The following HEATR5B variants were observed in gnomAD, a reference collection of about 807,000 sequenced individuals.
The protein encoded by HEATR5B is HEAT repeat-containing protein 5B.
HEATR5B carries 156 observed loss-of-function variants against 224.1 expected under a neutral mutation model. The ratio of observed to expected loss-of-function variants is 0.70; its 90% CI spans 0.61 to 0.80. The LOEUF is 0.80. HEATR5B is among the 30% of genes least tolerant of loss of function. HEATR5B has a pLI of 0.00. For synonymous variants in HEATR5B, 1,027 were observed against 893.0 expected, an observed-to-expected ratio of 1.15 and a Z score of -2.68; for missense variants, 2,323 against 2,535.5, an observed-to-expected ratio of 0.92 and a Z score of 1.80.
rs1157247294 is a variant in HEATR5B, at chr2:37,083,278, C to T, written c.126+11G>A. 6 of 1,613,736 alleles carry T rather than the reference C, an allele frequency of 3.7e-6. No homozygotes were observed. In the South Asian group the frequency reaches 5.5e-5, roughly 15 times the overall value. Reference sequence around the variant, plus strand: ...CGTTAATGCAACTGGGAAAAAAGAGCAATACCATACCTTGTTGGCAGCAAC... The same window carrying T: ...CGTTAATGCAACTGGGAAAAAAGAGTAATACCATACCTTGTTGGCAGCAAC... On this transcript the variant is annotated intron_variant, in intron 2 of 35. Coordinates refer to ENST00000233099, the MANE Select transcript of HEATR5B (RefSeq NM_019024.3).
At chr2:37,022,183 A>ATT (rs35822963) in intron 24 of HEATR5B, among the ~76,000 whole-genome samples, 2 of 146,124 alleles carry the variant, frequency 1.4e-5, no homozygotes, top group African/African-American at 2.5e-5. Context: ...TCTTTTTATC[A>ATT]TTTTTTTTTT....
At chr2:37,074,228 CAGG>C (rs1458043435) in intron 5 of HEATR5B, among the ~76,000 whole-genome samples, 1 of 149,790 alleles carries the variant, frequency 6.7e-6, no homozygotes, top group East Asian at 2.0e-4. Flanking sequence ...GAGGCTGAGG[CAGG>C]AGAATGGTGT....
rs538407715 is a variant in HEATR5B, at chr2:37,080,155, G to A, written c.127-824C>T. Reference sequence around the variant, plus strand: ...AGAAGGCCAGTTTGGCTGCAGTGGAGTAAGAGAAAGTAGTAAGAGATGAAT... The same window carrying A: ...AGAAGGCCAGTTTGGCTGCAGTGGAATAAGAGAAAGTAGTAAGAGATGAAT... On this transcript the variant is annotated intron_variant, in intron 2 of 35. Coordinates refer to ENST00000233099, the MANE Select transcript of HEATR5B (RefSeq NM_019024.3). Among the ~76,000 whole-genome samples, 3 of 152,316 alleles carry A rather than the reference G, an allele frequency of 2.0e-5. No homozygotes were observed. The South Asian group carries it at 6.2e-4, about 32-fold the overall frequency.
intron 18 of HEATR5B, among the ~76,000 whole-genome samples, chr2:37,048,413 G>A (rs781404262): frequency 6.6e-6 from 1 of 151,780 alleles, no homozygotes; most frequent in Non-Finnish European, 1.5e-5. Flanking sequence ...CAGAATTCTT[G>A]GGCTCAAGTG....
chr2:37,048,477 G>A (rs1006439382), intron 18 of HEATR5B, among the ~76,000 whole-genome samples: 6 of 151,412 alleles, frequency 4.0e-5, no homozygotes, highest in Admixed American at 2.0e-4. Flanking sequence ...AAGATAACGC[G>A]CCCAGCCAAG....
intron 30 of HEATR5B, among the ~76,000 whole-genome samples, chr2:37,004,714 G>A (rs1449248873): frequency 6.6e-6 from 1 of 151,964 alleles, no homozygotes; most frequent in African/African-American, 2.4e-5. Flanking sequence ...CCTTGTCTTT[G>A]ATAACTCTGT....
At chr2:37,069,869 C>G (rs1671801678) in intron 7 of HEATR5B, among the ~76,000 whole-genome samples, 1 of 150,858 alleles carries the variant, frequency 6.6e-6, no homozygotes, top group South Asian at 2.1e-4. Context: ...AACAGTTTTC[C>G]ACGAAGTTTC....
chr2:37,019,331 T>C (rs1668320412), intron 26 of HEATR5B, among the ~76,000 whole-genome samples: 1 of 152,146 alleles, frequency 6.6e-6, no homozygotes, highest in Non-Finnish European at 1.5e-5. Flanking sequence ...TAATGTGTGG[T>C]CAAAAACAAT....
intron 15 of HEATR5B, 121 bp from the exon 16 acceptor site, chr2:37,056,736 G>A (rs1230149345): frequency 2.5e-6 from 2 of 789,030 alleles, no homozygotes; most frequent in African/African-American, 1.8e-5. Flanking sequence ...AAGAATGATT[G>A]GATCCGAACA....
chr2:37,069,063 TA>T, intron 7 of HEATR5B, 133 bp from the exon 8 acceptor site: 1 of 944,074 alleles, frequency 1.1e-6, no homozygotes, highest in Non-Finnish European at 1.5e-6. Flanking sequence ...AGAGAAAATT[TA>T]AACTTGAGGT....
At chr2:36,984,213 A>ATATATATAT (rs1553411467) in intron 35 of HEATR5B, among the ~76,000 whole-genome samples, 17 of 86,118 alleles carry the variant, frequency 2.0e-4, no homozygotes, top group African/African-American at 7.4e-4. Flanking sequence ...AAAAAAAAAA[A>ATATATATAT]AAATATATAT....
At chr2:37,028,556 C>T (rs532120543) in intron 23 of HEATR5B, 125 bp downstream of exon 23, 2 of 685,310 alleles carry the variant, frequency 2.9e-6, no homozygotes, top group Non-Finnish European at 4.5e-6. Context: ...ATTTGTAGAT[C>T]AAAAGTTATT....
intron 18 of HEATR5B, among the ~76,000 whole-genome samples, chr2:37,041,778 T>A: frequency 6.8e-6 from 1 of 147,140 alleles, no homozygotes; most frequent in South Asian, 2.2e-4. Flanking sequence ...TAATAATAAT[T>A]GGTTAAAAAC....
intron 34 of HEATR5B, among the ~76,000 whole-genome samples, chr2:36,990,264 C>T (rs1222499288): frequency 6.6e-6 from 1 of 152,134 alleles, no homozygotes; most frequent in Non-Finnish European, 1.5e-5. Context: ...TAGACTCTGA[C>T]ATTGTAAAAT....
chr2:37,078,874 C>T (rs1166326477), intron 3 of HEATR5B, among the ~76,000 whole-genome samples: 1 of 152,210 alleles, frequency 6.6e-6, no homozygotes, highest in Non-Finnish European at 1.5e-5. Flanking sequence ...TCTCTAAAAT[C>T]CCAACTAGAA....
intron 30 of HEATR5B, among the ~76,000 whole-genome samples, chr2:37,004,230 T>C (rs1667270752): frequency 6.6e-6 from 1 of 152,046 alleles, no homozygotes; most frequent in African/African-American, 2.4e-5. Context: ...AAGCCACCTT[T>C]ACCTCTTTCC....
At chr2:37,025,843 T>A (rs1267520768) in intron 24 of HEATR5B, among the ~76,000 whole-genome samples, 1 of 152,222 alleles carries the variant, frequency 6.6e-6, no homozygotes, top group Non-Finnish European at 1.5e-5. Context: ...TCTTACTTCC[T>A]CTGATTCTTT....
rs756292835 is a variant in HEATR5B at position 37,064,990 on chromosome 2, C to G, written c.1334G>C (p.Gly445Ala). 1 of 1,613,216 alleles carries G rather than the reference C, an allele frequency of 6.2e-7. No homozygotes were observed. Among genetic ancestry groups the G allele is most frequent in the South Asian group, 1.1e-5 (1 of 91,042 alleles). ...CACTGAAGTCACAATCTCCAAAAGC[C>G]CTAAACAAGAAATACTCAAAATATT... ...ASPLIQEASIGLLEIVTSVLL... is the reference protein window; with the variant it reads ...ASPLIQEASIALLEIVTSVLL... Residue 445 changes from glycine (G) to alanine (A), a missense_variant and splice_region_variant, in exon 10 of 36, where the codon GGG (glycine) becomes GCG (alanine). By Grantham distance (60) the Gly-to-Ala change is moderately conservative (BLOSUM62 0). Coordinates refer to ENST00000233099, the MANE Select transcript of HEATR5B (RefSeq NM_019024.3).
chr2:36,994,306 A>G (rs1666538685), intron 33 of HEATR5B, among the ~76,000 whole-genome samples: 1 of 152,218 alleles, frequency 6.6e-6, no homozygotes, highest in Admixed American at 6.5e-5. Flanking sequence ...CAAAGGATCT[A>G]AAAACGAAAA....
Sources: allele counts gnomAD v4.1 joint callset (sites outside exome capture counted in the v4.1 genomes callset), GRCh38; gene constraint gnomAD v4.1.1; transcripts MANE v1.5; gene names NCBI Gene and HGNC (gene_info 2026-07-23, HGNC 2026-07-21).